C13orf46: variants seen among roughly 807,000 people sequenced by gnomAD.
The protein encoded by C13orf46 is chromosome 13 open reading frame 46.
Position 113,955,009 on chromosome 13 carries a change from G to GGA in C13orf46, c.*1763_*1764insTC. ...GAGGAGGATCTGGCAGAGAGGAGGA[G>GGA]TAGGATCTGGCGGAGAGGAGGAGTA... is the stretch of plus-strand genomic sequence containing the variant. On this transcript the variant is annotated 3_prime_UTR_variant, in exon 7 of 7. Coordinates refer to ENST00000636427, the MANE Select transcript of C13orf46 (RefSeq NM_001365455.2). The GGA allele has an allele frequency of 8.5e-6, 1 of 117,600 alleles. No homozygotes were observed. Among genetic ancestry groups the GGA allele is most frequent in the South Asian group, 1.3e-4 (1 of 7,970 alleles). 7.3% of individuals were successfully genotyped at this position (117,600 alleles called of 1,614,324 possible). A position where few individuals can be genotyped will look rare whatever the true frequency, so the allele number is the denominator to read the frequency against.
downstream of C13orf46, among the ~76,000 whole-genome samples, chr13:113,950,469 C>T (rs1314555301): frequency 4.6e-5 from 7 of 152,180 alleles, no homozygotes; most frequent in African/African-American, 7.2e-5. Context: ...TTGGGCACCT[C>T]GGTGCTCCCA....
At chr13:113,929,235 G>C in the C13orf46 span, among the ~76,000 whole-genome samples, 1 of 152,244 alleles carries the variant, frequency 6.6e-6, no homozygotes, top group East Asian at 1.9e-4. Flanking sequence ...AGACAGTAAA[G>C]GAGACCTGAG....
chr13:113,961,354 G>A (rs2138982551), intron 6 of C13orf46, among the ~76,000 whole-genome samples: 1 of 151,680 alleles, frequency 6.6e-6, no homozygotes, highest in South Asian at 2.1e-4. Flanking sequence ...TATTTGTATG[G>A]GCATGTTATC....
At chr13:113,965,836 ATGGTGATGATGGTGATGG>A (rs1287445334) in intron 5 of C13orf46, among the ~76,000 whole-genome samples, 1 of 69,098 alleles carries the variant, frequency 1.4e-5, no homozygotes, top group Non-Finnish European at 2.6e-5. Flanking sequence ...GATAATGGTG[ATGGTGATGATGGTGATGG>A]TGGTGATGAT....
chr13:113,952,221 T>C (rs962542505), downstream of C13orf46, among the ~76,000 whole-genome samples: 70,458 of 152,022 alleles, frequency 0.46, 16,850 homozygotes, highest in Non-Finnish European at 0.51. Flanking sequence ...AGCCAAGGTG[T>C]AGCTGGCGTG....
chr13:113,972,373 A>G (rs1280780937), intron 1 of C13orf46, among the ~76,000 whole-genome samples: 1 of 152,180 alleles, frequency 6.6e-6, no homozygotes, highest in Admixed American at 6.5e-5. Context: ...ATATTTTTAC[A>G]TCATTACCTC....
At chr13:113,938,947 A>G in the C13orf46 span, among the ~76,000 whole-genome samples, 1 of 151,950 alleles carries the variant, frequency 6.6e-6, no homozygotes, top group Non-Finnish European at 1.5e-5. Flanking sequence ...ACACCACAGC[A>G]CCTGCGGCCT....
chr13:113,945,593 GAAAGAAAGAAAGAAGAA>G, the C13orf46 span, among the ~76,000 whole-genome samples: 1 of 122,378 alleles, frequency 8.2e-6, no homozygotes, highest in South Asian at 2.7e-4. Context: ...GAGAGAGAGA[GAAAGAAAGAAAGAAGAA>G]AGAAAGAAAG....
chr13:113,945,571 A>AGAGAGAG, the C13orf46 span, among the ~76,000 whole-genome samples: 12 of 72,294 alleles, frequency 1.7e-4, no homozygotes, highest in African/African-American at 5.7e-4. Context: ...GAAAGAAAGA[A>AGAGAGAG]AGAAAGAGAG....
At chr13:113,943,818 G>A in the C13orf46 span, among the ~76,000 whole-genome samples, 6 of 152,272 alleles carry the variant, frequency 3.9e-5, no homozygotes, top group South Asian at 2.1e-4. Context: ...GCTGGTGGGA[G>A]CCCTACCAGA....
intron 5 of C13orf46, among the ~76,000 whole-genome samples, chr13:113,965,592 G>A (rs2052627669): frequency 6.6e-6 from 1 of 152,164 alleles, no homozygotes; most frequent in Non-Finnish European, 1.5e-5. Flanking sequence ...TAATGGTGGT[G>A]ATGATGACGG....
chr13:113,971,160 C>T (rs2052700851), intron 1 of C13orf46, among the ~76,000 whole-genome samples: 1 of 152,196 alleles, frequency 6.6e-6, no homozygotes, highest in South Asian at 2.1e-4. Flanking sequence ...TGCGGAGACC[C>T]TGGCTTCCCG....
chr13:113,942,253 G>A, the C13orf46 span, among the ~76,000 whole-genome samples: 10 of 152,234 alleles, frequency 6.6e-5, no homozygotes, highest in African/African-American at 2.4e-4. Flanking sequence ...CGCAGCCCGG[G>A]AGGAGGGACC....
chr13:113,963,581 T>C (rs1340433037), intron 6 of C13orf46, among the ~76,000 whole-genome samples: 1 of 140,932 alleles, frequency 7.1e-6, no homozygotes, highest in Non-Finnish European at 1.5e-5. Context: ...GCCCCTGTCC[T>C]CAGCCTCGGC....
Position 113,955,686 on chromosome 13 carries a change from A to G in C13orf46, c.*1087T>C. 6.6e-6 allele frequency: 1 copy of G among 151,326 alleles called. No homozygotes were observed. Among genetic ancestry groups the G allele is most frequent in the African/African-American group, 2.7e-5 (1 of 37,690 alleles). The allele number at this position is 151,326 out of a possible 1,614,324, so 9.4% of individuals were successfully genotyped here. A position where few individuals can be genotyped will look rare whatever the true frequency, so the allele number is the denominator to read the frequency against. On this transcript the variant is annotated 3_prime_UTR_variant, in exon 7 of 7. Coordinates refer to ENST00000636427, the MANE Select transcript of C13orf46 (RefSeq NM_001365455.2). ...CAAGGAGTAGTGTCTGGCAGAGACGAGGAGTAGTGTCTGGCGGAGAGGAGG... is the reference window on the plus strand; with the variant it reads ...CAAGGAGTAGTGTCTGGCAGAGACGGGGAGTAGTGTCTGGCGGAGAGGAGG...
the C13orf46 span, among the ~76,000 whole-genome samples, chr13:113,940,230 G>A: frequency 6.6e-6 from 1 of 152,236 alleles, no homozygotes; most frequent in Non-Finnish European, 1.5e-5. Context: ...CGTTTCCCCG[G>A]AAGCGAAGAG....
At chr13:113,945,551 A>C in the C13orf46 span, among the ~76,000 whole-genome samples, 1 of 91,280 alleles carries the variant, frequency 1.1e-5, no homozygotes, top group African/African-American at 3.9e-5. Context: ...GAAAGAAAGA[A>C]AGAAAGAAAG....
the C13orf46 span, among the ~76,000 whole-genome samples, chr13:113,931,308 C>A: frequency 6.6e-6 from 1 of 150,968 alleles, no homozygotes; most frequent in African/African-American, 2.4e-5. Context: ...GAGAGGCTCA[C>A]TTTGCGGTTG....
chr13:113,946,317 C>G, the C13orf46 span, among the ~76,000 whole-genome samples: 1 of 152,202 alleles, frequency 6.6e-6, no homozygotes, highest in Non-Finnish European at 1.5e-5. Context: ...GTAACAGGAC[C>G]TATGTGGCAT....
Sources: allele counts gnomAD v4.1 joint callset (sites outside exome capture counted in the v4.1 genomes callset), GRCh38; gene constraint gnomAD v4.1.1; transcripts MANE v1.5; gene names NCBI Gene and HGNC (gene_info 2026-07-23, HGNC 2026-07-21).